The following MAPK6 variants were observed in gnomAD, a reference collection of about 807,000 sequenced individuals.
MAPK6 encodes mitogen-activated protein kinase 6.
In MAPK6, 19 loss-of-function variants were observed where a neutral mutation model predicts 59.3. That is an observed-to-expected ratio of 0.32 (90% confidence interval 0.22 to 0.47). The LOEUF (loss-of-function observed/expected upper bound fraction) is 0.47, where lower values mean the gene tolerates loss of function less well. MAPK6 is among the 20% of genes least tolerant of loss of function. MAPK6 has a pLI of 1.00. For synonymous variants in MAPK6, 316 were observed against 290.3 expected, an observed-to-expected ratio of 1.09 and a Z score of -0.90; for missense variants, 724 against 847.9, an observed-to-expected ratio of 0.85 and a Z score of 1.81.
chr15:52,062,150 G>C (rs1469261565), intron 5 of MAPK6, among the ~76,000 whole-genome samples: 13 of 149,276 alleles, frequency 8.7e-5, no homozygotes, highest in African/African-American at 3.0e-4. Context: ...TGCAAGCTCA[G>C]CTCACTGTCC....
intron 1 of MAPK6, among the ~76,000 whole-genome samples, chr15:51,979,525 G>A (rs559295764): frequency 6.6e-6 from 1 of 151,928 alleles, no homozygotes; most frequent in African/African-American, 2.4e-5. Context: ...GGGCATGGTG[G>A]CTCATGCCTG....
At chr15:52,047,245 G>C (rs959215923) in intron 2 of MAPK6, among the ~76,000 whole-genome samples, 1 of 152,044 alleles carries the variant, frequency 6.6e-6, no homozygotes, top group Non-Finnish European at 1.5e-5. Context: ...AAAGTGTATG[G>C]TTATTTATTA....
chr15:51,984,674 C>G (rs558649888), intron 2 of MAPK6, among the ~76,000 whole-genome samples: 1 of 151,426 alleles, frequency 6.6e-6, no homozygotes, highest in African/African-American at 2.4e-5. Context: ...AAAAGCTTAA[C>G]AACCAGTTCT....
intron 1 of MAPK6, among the ~76,000 whole-genome samples, chr15:52,038,406 T>G (rs1393805619): frequency 6.6e-6 from 1 of 152,232 alleles, no homozygotes; most frequent in African/African-American, 2.4e-5. Flanking sequence ...CAGTAAAATG[T>G]GAGAAGTGAA....
chr15:51,986,132 C>G (rs2414120), intron 2 of MAPK6, among the ~76,000 whole-genome samples: 13,993 of 152,178 alleles, frequency 0.092, 1,809 homozygotes, highest in African/African-American at 0.28. Context: ...AGGAAACTTA[C>G]AATCATGATG....
intron 1 of MAPK6, among the ~76,000 whole-genome samples, chr15:52,019,607 C>T (rs1226113537): frequency 1.4e-5 from 2 of 146,146 alleles, no homozygotes; most frequent in Non-Finnish European, 3.0e-5. Context: ...CGCGTCCCCG[C>T]GCGGGCGGGC....
At chr15:52,037,121 A>AC (rs1595989261) in intron 1 of MAPK6, among the ~76,000 whole-genome samples, 1 of 152,144 alleles carries the variant, frequency 6.6e-6, no homozygotes, top group Middle Eastern at 3.4e-3. Flanking sequence ...ACATAGTGAG[A>AC]CCCCATTTCT....
intron 3 of MAPK6, 22 bp from the exon 4 acceptor site, chr15:52,058,606 GTTTTT>G: frequency 6.4e-7 from 1 of 1,561,984 alleles, no homozygotes; most frequent in Non-Finnish European, 8.7e-7. Flanking sequence ...TGAGGAATGT[GTTTTT>G]TTGTTTGTTT....
At chr15:52,007,774 CAT>C (rs918021875) in intron 3 of MAPK6, among the ~76,000 whole-genome samples, 2 of 150,014 alleles carry the variant, frequency 1.3e-5, no homozygotes, top group Admixed American at 6.7e-5. Flanking sequence ...TTAGCTCTTA[CAT>C]ATATATATAG....
intron 1 of MAPK6, among the ~76,000 whole-genome samples, chr15:51,976,125 G>T (rs2057156629): frequency 6.7e-6 from 1 of 149,324 alleles, no homozygotes; most frequent in African/African-American, 2.5e-5. Flanking sequence ...AATTTGCCGG[G>T]CGTGGTGGCA....
In MAPK6 at chr15:52,001,894, G is replaced by A. The variant is rs908659736; in HGVS notation, c.-769-2371G>A. Among the ~76,000 whole-genome samples, 15 of 151,958 alleles carry A rather than the reference G, an allele frequency of 9.9e-5. No individual in the cohort carries two copies. The East Asian group carries it at 2.3e-3, about 24-fold the overall frequency. On this transcript the variant is annotated intron_variant, in intron 2 of 7. Coordinates refer to the MAPK6 transcript ENST00000691380. ...ATCTGGGAATTCAAGATTTTGGGGGGCATCAACCCAGATGTCCCTGTCCCA... is the reference window on the plus strand; with the variant it reads ...ATCTGGGAATTCAAGATTTTGGGGGACATCAACCCAGATGTCCCTGTCCCA...
chr15:52,002,164 C>T (rs184233057), intron 2 of MAPK6, among the ~76,000 whole-genome samples: 20 of 152,322 alleles, frequency 1.3e-4, no homozygotes, highest in Non-Finnish European at 2.4e-4. Context: ...TTTCCTAGAG[C>T]TTCAACAGAG....
chr15:52,016,070 G>GCGCGCAAACACACACACACACACA, upstream of MAPK6, among the ~76,000 whole-genome samples: 1 of 55,392 alleles, frequency 1.8e-5, no homozygotes, highest in African/African-American at 7.0e-5. Flanking sequence ...GCGCGCGCGC[G>GCGCGCAAACACACACACACACACA]CACACACACA....
chr15:52,052,243 G>A (rs2031806982), intron 3 of MAPK6, among the ~76,000 whole-genome samples: 1 of 152,160 alleles, frequency 6.6e-6, no homozygotes, highest in African/African-American at 2.4e-5. Flanking sequence ...CTTCTAGATA[G>A]CTTACTTACA....
intron 1 of MAPK6, among the ~76,000 whole-genome samples, chr15:52,028,516 A>T (rs546604583): frequency 6.6e-6 from 1 of 152,218 alleles, no homozygotes; most frequent in Admixed American, 6.5e-5. Context: ...CTACTAATCA[A>T]TAGTGCTTTC....
chr15:52,063,786 C>CTCCTATAATTA, intron 5 of MAPK6, 116 bp from the exon 6 acceptor site: 1 of 783,884 alleles, frequency 1.3e-6, no homozygotes, highest in Non-Finnish European at 1.9e-6. Flanking sequence ...CATATTTACT[C>CTCCTATAATTA]TCCTATAATT....
intron 2 of MAPK6, among the ~76,000 whole-genome samples, chr15:51,991,054 G>A (rs1308253357): frequency 1.3e-5 from 2 of 151,940 alleles, no homozygotes; most frequent in Non-Finnish European, 2.9e-5. Flanking sequence ...CTTGAACCCA[G>A]GAAGAGGAGG....
Position 52,064,910 on chromosome 15 carries a change from A to C in MAPK6, c.2076A>C (p.Ser692=). The part of the protein sequence containing the change: ...FHSPVGSPLK[S]IQATLTPSAM... ...GTCCAGTTGGGTCACCACTTAAGTC[A>C]ATACAGGCCACATTAACACCTTCTG... Residue 692 remains serine (S), a synonymous_variant, in exon 6 of 6, where the codon TCA becomes TCC. Coordinates refer to ENST00000261845, the MANE Select transcript of MAPK6 (RefSeq NM_002748.4). The C allele has an allele frequency of 6.2e-7, 1 of 1,611,990 alleles. No homozygotes were observed. The highest frequency in any genetic ancestry group is 8.5e-7 in the Non-Finnish European group (1 of 1,179,836).
At chr15:52,019,548 C>CCGCCCGCCCCCTGCT (rs1352476982) in intron 1 of MAPK6, among the ~76,000 whole-genome samples, 172 bp downstream of exon 1, 1 of 145,836 alleles carries the variant, frequency 6.9e-6, no homozygotes, top group Non-Finnish European at 1.5e-5. Context: ...GTTCGGTCTG[C>CCGCCCGCCCCCTGCT]CGCCCGCCCC....
Sources: allele counts gnomAD v4.1 joint callset (sites outside exome capture counted in the v4.1 genomes callset), GRCh38; gene constraint gnomAD v4.1.1; transcripts MANE v1.5; gene names NCBI Gene and HGNC (gene_info 2026-07-23, HGNC 2026-07-21).